GCNT4: variants seen among roughly 807,000 people sequenced by gnomAD.
GCNT4 encodes beta-1,3-galactosyl-O-glycosyl-glycoprotein beta-1,6-N-acetylglucosaminyltransferase 4.
GCNT4 carries 17 observed loss-of-function variants against 31.3 expected under a neutral mutation model. The ratio of observed to expected loss-of-function variants is 0.54; its 90% CI spans 0.37 to 0.81. The LOEUF (loss-of-function observed/expected upper bound fraction) is 0.81. GCNT4 is among the 40% of genes least tolerant of loss of function. GCNT4 has a pLI of 0.00. For missense variants in GCNT4, 503 were observed against 525.5 expected (o/e 0.96, Z 0.42); for synonymous variants, 158 against 190.6 (o/e 0.83, Z 1.41).
intron 3 of GCNT4, 182 bp from the exon 4 acceptor site, chr5:75,030,220 A>AT: frequency 1.6e-6 from 1 of 606,526 alleles, no homozygotes; most frequent in South Asian, 2.3e-5. Context: ...GAATGGTGGT[A>AT]TTTTGGGGTA....
chr5:75,053,477 G>A (rs1475941188), upstream of GCNT4, among the ~76,000 whole-genome samples: 1 of 152,068 alleles, frequency 6.6e-6, no homozygotes, highest in African/African-American at 2.4e-5. Context: ...TCCAGCCCCG[G>A]GCGACCCTCG....
upstream of GCNT4, among the ~76,000 whole-genome samples, chr5:75,053,283 C>A (rs1743629990): frequency 6.6e-6 from 1 of 151,922 alleles, no homozygotes; most frequent in Non-Finnish European, 1.5e-5. Flanking sequence ...CCCCGGGGCT[C>A]CTGCAGGCGC....
chr5:75,039,245 A>G (rs1026272257), intron 3 of GCNT4, among the ~76,000 whole-genome samples: 11 of 151,800 alleles, frequency 7.2e-5, no homozygotes, highest in African/African-American at 2.7e-4. Context: ...ACCCACCACC[A>G]CGCCTGGCTA....
chr5:75,026,066 T>C lies in GCNT4; in HGVS notation c.*2610A>G, dbSNP rs375026473. ...AAAAGGTGTGATCTGACAAGCTCCC[T>C]GATATGTTAACAGACTGAGTCCAGA... On this transcript the variant is annotated 3_prime_UTR_variant, in exon 4 of 4. Coordinates refer to ENST00000652361, the MANE Select transcript of GCNT4 (RefSeq NM_001366737.1). 2 of 152,334 alleles carry C rather than the reference T, an allele frequency of 1.3e-5. No homozygotes were observed. The highest frequency in any genetic ancestry group is 1.9e-4 in the East Asian group (1 of 5,182). The allele number at this position is 152,334 out of a possible 1,614,324, so 9.4% of individuals were successfully genotyped here. A position where few individuals can be genotyped will look rare whatever the true frequency, so the allele number is the denominator to read the frequency against.
downstream of GCNT4, among the ~76,000 whole-genome samples, chr5:75,022,831 A>T (rs1428564876): frequency 2.6e-5 from 4 of 152,206 alleles, no homozygotes; most frequent in Non-Finnish European, 5.9e-5. Context: ...CCTGCCATAT[A>T]ACTCCCATCC....
At chr5:75,021,207 T>C (rs975972009), downstream of GCNT4, among the ~76,000 whole-genome samples, 1 of 152,188 alleles carries the variant, frequency 6.6e-6, no homozygotes, top group Non-Finnish European at 1.5e-5. Flanking sequence ...GGAACATTAA[T>C]TCGCTGATAC....
the GCNT4 span, among the ~76,000 whole-genome samples, chr5:75,020,208 C>A: frequency 6.6e-6 from 1 of 152,164 alleles, no homozygotes; most frequent in Non-Finnish European, 1.5e-5. Context: ...TGGCTCTGAG[C>A]CCCTATTGTC....
At chr5:75,050,699 G>A (rs1743549734) in intron 2 of GCNT4, among the ~76,000 whole-genome samples, 2 of 151,748 alleles carry the variant, frequency 1.3e-5, no homozygotes, top group African/African-American at 4.8e-5. Context: ...AAGCTTAGAG[G>A]GAGTCACGCT....
chr5:75,050,918 G>T (rs1561379981), intron 2 of GCNT4, among the ~76,000 whole-genome samples: 1 of 152,290 alleles, frequency 6.6e-6, no homozygotes, highest in East Asian at 1.9e-4. Context: ...GGCAGCTGGA[G>T]TTTTGTTTTG....
upstream of GCNT4, among the ~76,000 whole-genome samples, chr5:75,053,494 C>T (rs544253808): frequency 2.4e-3 from 362 of 152,234 alleles, 1 homozygote; most frequent in African/African-American, 8.3e-3. Flanking sequence ...CTCGCTCCCC[C>T]GCGTGGCCAA....
At chr5:75,053,544 G>T (rs982442547), upstream of GCNT4, among the ~76,000 whole-genome samples, 59 of 152,242 alleles carry the variant, frequency 3.9e-4, no homozygotes, top group African/African-American at 1.3e-3. Context: ...CCGAACGCGG[G>T]GTCCGTGCGG....
intron 3 of GCNT4, among the ~76,000 whole-genome samples, chr5:75,032,539 T>C (rs1743087472): frequency 6.6e-6 from 1 of 152,198 alleles, no homozygotes; most frequent in African/African-American, 2.4e-5. Flanking sequence ...CTCATAAATG[T>C]GCCTCAAATC....
rs200659318 is a variant in GCNT4 at position 75,029,292 on chromosome 5, G to T, written c.746C>A (p.Ala249Glu). The T allele has an allele frequency of 1.2e-6, 2 of 1,613,944 alleles. No homozygotes were observed. The highest frequency in any genetic ancestry group is 8.5e-7 in the Non-Finnish European group (1 of 1,180,008). ...GGGTTTCACCGTCTCCAACATATTT[G>T]CTCCATTGAGTTTTTTCAACTCTGA... ...LVSELKKLNG[A>E]NMLETVKPPN... The change falls in exon 4 of 4, where the codon GCA becomes GAA. Residue 249 changes from alanine to glutamate, a missense_variant. Physicochemically the swap from Ala to Glu is moderately radical, Grantham distance 107 (BLOSUM62 -1). Coordinates refer to ENST00000652361, the MANE Select transcript of GCNT4 (RefSeq NM_001366737.1).
intron 3 of GCNT4, among the ~76,000 whole-genome samples, chr5:75,036,580 T>G (rs1405305537): frequency 6.6e-6 from 1 of 152,222 alleles, no homozygotes; most frequent in Non-Finnish European, 1.5e-5. Context: ...TCTCTAAATG[T>G]CCTAGAACAG....
intron 2 of GCNT4, among the ~76,000 whole-genome samples, chr5:75,051,284 C>T (rs1743563764): frequency 6.6e-6 from 1 of 152,250 alleles, no homozygotes; most frequent in African/African-American, 2.4e-5. Context: ...AGCACATCTG[C>T]GCCTCACAGC....
At chr5:75,051,177 C>T (rs1002162486) in intron 2 of GCNT4, among the ~76,000 whole-genome samples, 6 of 152,310 alleles carry the variant, frequency 3.9e-5, no homozygotes, top group Non-Finnish European at 7.3e-5. Flanking sequence ...TCCCCTCCCC[C>T]ATGGCTGCTT....
intron 3 of GCNT4, among the ~76,000 whole-genome samples, chr5:75,043,644 G>A (rs1281309401): frequency 6.6e-6 from 1 of 151,996 alleles, no homozygotes; most frequent in Non-Finnish European, 1.5e-5. Flanking sequence ...GAATATCAGA[G>A]ACCTCAGCCC....
intron 3 of GCNT4, among the ~76,000 whole-genome samples, chr5:75,042,661 C>T (rs1259723546): frequency 3.3e-5 from 5 of 152,160 alleles, no homozygotes; most frequent in Non-Finnish European, 7.3e-5. Flanking sequence ...AAAATCATCA[C>T]CCTGAAAACC....
In GCNT4 at chr5:75,028,444, A is replaced by G. The variant is rs987852283; in HGVS notation, c.*232T>C. 6 of 502,416 alleles carry G rather than the reference A, an allele frequency of 1.2e-5. No individual in the cohort carries two copies. The highest frequency in any genetic ancestry group is 1.2e-4 in the African/African-American group (6 of 50,802). 31.1% of individuals were successfully genotyped at this position (502,416 alleles called of 1,614,324 possible). The stretch of plus-strand genomic sequence containing the variant: ...TTTGATGACTGACTGAATGTTTAAG[A>G]TCTCTGATTTGGCTCAGTGAGATTA... On this transcript the variant is annotated 3_prime_UTR_variant, in exon 4 of 4. Transcript: ENST00000652361.
Sources: allele counts gnomAD v4.1 joint callset (sites outside exome capture counted in the v4.1 genomes callset), GRCh38; gene constraint gnomAD v4.1.1; transcripts MANE v1.5; gene names NCBI Gene and HGNC (gene_info 2026-07-23, HGNC 2026-07-21).